The following KCNAB1 variants were observed in gnomAD, a reference collection of about 807,000 sequenced individuals.
KCNAB1 encodes the protein potassium voltage-gated channel subfamily A regulatory beta subunit 1, also known as voltage-gated potassium channel subunit beta-1.
KCNAB1 carries 35 observed loss-of-function variants against 64.6 expected under a neutral mutation model. The ratio of observed to expected loss-of-function variants is 0.54; its 90% CI spans 0.41 to 0.72. The LOEUF (loss-of-function observed/expected upper bound fraction) is 0.72. Ranked by LOEUF, KCNAB1 falls within the 30% of genes least tolerant of loss-of-function variation. The pLI is 0.00. For synonymous variants in KCNAB1, 177 were observed against 183.8 expected (o/e 0.96, Z 0.30); for missense variants, 401 against 512.9 (o/e 0.78, Z 2.11).
intron 1 of KCNAB1, among the ~76,000 whole-genome samples, chr3:156,337,393 GTCT>G (rs1723785874): frequency 6.6e-6 from 1 of 152,064 alleles, no homozygotes; most frequent in South Asian, 2.1e-4. Flanking sequence ...TCCCCCCACT[GTCT>G]TCTTTTTTCC....
At chr3:156,201,945 G>T (rs1399632247) in intron 1 of KCNAB1, among the ~76,000 whole-genome samples, 1 of 152,140 alleles carries the variant, frequency 6.6e-6, no homozygotes, top group Non-Finnish European at 1.5e-5. Context: ...GTGCTTTATT[G>T]TAAGCAGGCA....
intron 1 of KCNAB1, among the ~76,000 whole-genome samples, chr3:156,272,702 A>G (rs1438939392): frequency 6.6e-6 from 1 of 151,914 alleles, no homozygotes; most frequent in Non-Finnish European, 1.5e-5. Flanking sequence ...GCTCCTCCCC[A>G]CTGTCGCCAA....
intron 1 of KCNAB1, chr3:156,175,707 T>C (rs1030402600): frequency 3.8e-6 from 2 of 523,186 alleles, no homozygotes; most frequent in African/African-American, 1.9e-5. Context: ...TGAAATGGGA[T>C]AGCAGTGGTT....
intron 8 of KCNAB1, among the ~76,000 whole-genome samples, chr3:156,499,042 T>C (rs1232794510): frequency 2.0e-5 from 3 of 152,246 alleles, no homozygotes; most frequent in Non-Finnish European, 4.4e-5. Context: ...ATTTTGCTTG[T>C]TGACATTTTG....
At chr3:156,500,555 T>C (rs1043714985) in intron 8 of KCNAB1, among the ~76,000 whole-genome samples, 4 of 152,182 alleles carry the variant, frequency 2.6e-5, no homozygotes, top group African/African-American at 9.7e-5. Context: ...AAAGATATTA[T>C]CTTTAGACAT....
chr3:156,244,182 C>T (rs1280132107), intron 1 of KCNAB1, among the ~76,000 whole-genome samples: 3 of 152,228 alleles, frequency 2.0e-5, no homozygotes, highest in African/African-American at 7.2e-5. Flanking sequence ...ACCGAAGTGT[C>T]TCCTGGGAGC....
intron 2 of KCNAB1, among the ~76,000 whole-genome samples, chr3:156,433,966 C>A (rs1210256215): frequency 6.6e-6 from 1 of 152,172 alleles, no homozygotes; most frequent in Non-Finnish European, 1.5e-5. Context: ...TTTGACACTA[C>A]CATCTGGCAT....
At chr3:156,355,153 A>C (rs560967495) in intron 1 of KCNAB1, among the ~76,000 whole-genome samples, 1 of 152,362 alleles carries the variant, frequency 6.6e-6, no homozygotes, top group East Asian at 1.9e-4. Context: ...TGGATCCTGC[A>C]GTGTAATTTG....
intron 2 of KCNAB1, among the ~76,000 whole-genome samples, chr3:156,431,366 G>T (rs764354972): frequency 1.3e-5 from 2 of 152,130 alleles, no homozygotes; most frequent in Non-Finnish European, 2.9e-5. Flanking sequence ...AATCAATAAT[G>T]CAATTAAGCT....
In KCNAB1 at chr3:156,538,441, G is replaced by GTGTT. The variant is rs1286478546; in HGVS notation, c.*1695_*1698dup. 8.5e-5 allele frequency: 13 copies of GTGTT among 152,180 alleles called. No individual in the cohort carries two copies. The highest frequency in any genetic ancestry group is 3.1e-4 in the African/African-American group (13 of 41,516). The allele number at this position is 152,180 out of a possible 1,614,324, so 9.4% of individuals were successfully genotyped here. A position where few individuals can be genotyped will look rare whatever the true frequency, so the allele number is the denominator to read the frequency against. On this transcript the variant is annotated 3_prime_UTR_variant, in exon 14 of 14. Coordinates refer to ENST00000490337, the MANE Select transcript of KCNAB1 (RefSeq NM_172160.3). ...AACAGAGAGTTTGAATTTTTTGCCC[G>GTGTT]TGTTATCAGAATGATGGAAATTGAT...
chr3:156,347,096 T>G (rs1030457213), intron 1 of KCNAB1, among the ~76,000 whole-genome samples: 1 of 152,224 alleles, frequency 6.6e-6, no homozygotes. Flanking sequence ...TATTTATTAA[T>G]TTATTACGCT....
chr3:156,419,393 C>T (rs757088604), intron 1 of KCNAB1, among the ~76,000 whole-genome samples: 3 of 150,820 alleles, frequency 2.0e-5, no homozygotes, highest in South Asian at 2.1e-4. Context: ...CCCAGCTACT[C>T]GGGAGGCTGA....
At chr3:156,144,284 GT>G (rs1427392133) in intron 1 of KCNAB1, among the ~76,000 whole-genome samples, 10 of 152,302 alleles carry the variant, frequency 6.6e-5, no homozygotes, top group African/African-American at 2.4e-4. Flanking sequence ...GCATAAGATT[GT>G]TTTTCATGTA....
At chr3:156,460,831 A>G (rs985216045) in intron 5 of KCNAB1, among the ~76,000 whole-genome samples, 1 of 152,200 alleles carries the variant, frequency 6.6e-6, no homozygotes, top group African/African-American at 2.4e-5. Context: ...TCTCTCTAGG[A>G]AGCAAAACTA....
At chr3:156,415,945 A>G (rs916297825) in intron 1 of KCNAB1, among the ~76,000 whole-genome samples, 2 of 152,024 alleles carry the variant, frequency 1.3e-5, no homozygotes, top group Admixed American at 1.3e-4. Context: ...TGTTCCCCCA[A>G]TGTCCCCAAT....
At chr3:156,200,214 C>T (rs1714235000) in intron 1 of KCNAB1, among the ~76,000 whole-genome samples, 1 of 152,184 alleles carries the variant, frequency 6.6e-6, no homozygotes, top group Non-Finnish European at 1.5e-5. Context: ...CAGAGGGGAG[C>T]CTGCCTGATG....
chr3:156,487,616 A>G (rs918577605), intron 8 of KCNAB1, among the ~76,000 whole-genome samples: 1 of 152,170 alleles, frequency 6.6e-6, no homozygotes, highest in African/African-American at 2.4e-5. Context: ...TGCTTATTCA[A>G]GAAAACCATT....
chr3:156,452,887 A>G lies in KCNAB1; in HGVS notation c.320-12A>G. The G allele has an allele frequency of 1.3e-6, 2 of 1,578,554 alleles. No homozygotes were observed. The highest frequency in any genetic ancestry group is 1.7e-6 in the Non-Finnish European group (2 of 1,156,210). On this transcript the variant is annotated splice_polypyrimidine_tract_variant and intron_variant, in intron 2 of 13. Coordinates refer to ENST00000490337, the MANE Select transcript of KCNAB1 (RefSeq NM_172160.3). This position sits in a 1 kb window ranked among gnomAD's most constrained non-coding sequence, Gnocchi z 4.6. The stretch of plus-strand genomic sequence containing the variant: ...GATGATGAATAATATGCAAATATTT[A>G]TTATTTTCTAGGAACATGGGTGACA...
chr3:156,178,630 T>C (rs144616646), intron 1 of KCNAB1, among the ~76,000 whole-genome samples: 49 of 152,328 alleles, frequency 3.2e-4, no homozygotes, highest in African/African-American at 1.2e-3. Context: ...TTTATCTTTA[T>C]TTTTTGAGAA....
Sources: allele counts gnomAD v4.1 joint callset (sites outside exome capture counted in the v4.1 genomes callset), GRCh38; gene constraint gnomAD v4.1.1; non-coding constraint Gnocchi (gnomAD v3.1); transcripts MANE v1.5; gene names NCBI Gene and HGNC (gene_info 2026-07-23, HGNC 2026-07-21).